The following SLC4A8 variants were observed in gnomAD, a reference collection of about 807,000 sequenced individuals.
SLC4A8 encodes solute carrier family 4 member 8, also known as electroneutral sodium bicarbonate exchanger 1.
Under a neutral mutation model 125.0 loss-of-function variants are expected in SLC4A8, and 40 were observed. That is an observed-to-expected ratio of 0.32 (90% CI 0.25 to 0.42). The LOEUF is 0.42. Among genes scored for constraint, SLC4A8 ranks in the 10% least tolerant of loss-of-function variants. The pLI is 1.00. For synonymous variants in SLC4A8, 456 were observed against 476.0 expected (o/e 0.96, Z 0.55); for missense variants, 863 against 1,355.1 (o/e 0.64, Z 5.70).
chr12:51,468,896 C>T (rs908665084), intron 11 of SLC4A8, among the ~76,000 whole-genome samples: 14 of 152,222 alleles, frequency 9.2e-5, no homozygotes, highest in African/African-American at 4.8e-5. Context: ...ATCCACCAAG[C>T]ACTCTCACCT....
intron 1 of SLC4A8, chr12:51,403,011 G>A (rs1260120762): frequency 2.9e-6 from 1 of 339,782 alleles, no homozygotes; most frequent in African/African-American, 2.2e-5. Context: ...AAGTCCCCCA[G>A]TTAGCTGGCA....
intron 1 of SLC4A8, chr12:51,392,108 C>T (rs1229011977): frequency 6.6e-6 from 1 of 152,530 alleles, no homozygotes; most frequent in Admixed American, 6.5e-5. Context: ...GTGCCATGAA[C>T]TGTGTCAAGG....
intron 22 of SLC4A8, chr12:51,502,161 C>T (rs1344047726): frequency 6.6e-6 from 1 of 152,134 alleles, no homozygotes; most frequent in African/African-American, 2.4e-5. Flanking sequence ...AGATGATTCT[C>T]TGAAAAAGAA....
At position 51,512,224 on chromosome 12, in the gene SLC4A8, TAAC is replaced by T. The variant is rs890244829; in HGVS notation, c.*4789_*4791del. On this transcript the variant is annotated 3_prime_UTR_variant, in exon 25 of 25. Transcript: ENST00000453097. ...GCCACACATTATCACTGTACAGCATTAACAAGGCTGGAATATGGCCCTCTGCTG... is the reference window on the plus strand; with the variant it reads ...GCCACACATTATCACTGTACAGCATTAAGGCTGGAATATGGCCCTCTGCTG... 9 of 152,202 alleles carry T rather than the reference TAAC, an allele frequency of 5.9e-5. No homozygotes were observed. Among genetic ancestry groups the T allele is most frequent in the African/African-American group, 2.2e-4 (9 of 41,436 alleles). The allele number at this position is 152,202 out of a possible 1,614,324, so 9.4% of individuals were successfully genotyped here.
intron 17 of SLC4A8, among the ~76,000 whole-genome samples, 172 bp downstream of exon 17, chr12:51,486,072 T>C (rs1951155158): frequency 1.3e-5 from 2 of 152,200 alleles, no homozygotes; most frequent in African/African-American, 4.8e-5. Flanking sequence ...CTTGGTTGAA[T>C]TCAAGACAGA....
At chr12:51,417,831 T>C (rs1287496901) in intron 1 of SLC4A8, among the ~76,000 whole-genome samples, 1 of 152,210 alleles carries the variant, frequency 6.6e-6, no homozygotes, top group East Asian at 1.9e-4. Flanking sequence ...TTTGTATTTT[T>C]AGTAGAGACA....
intron 6 of SLC4A8, 84 bp from the exon 7 acceptor site, chr12:51,458,475 G>A (rs945105067): frequency 4.3e-6 from 4 of 937,868 alleles, no homozygotes; most frequent in African/African-American, 3.2e-5. Flanking sequence ...GCAGGAGAAG[G>A]CAGAACCAAC....
In SLC4A8 at chr12:51,471,255, A is replaced by G. The variant is rs111732854; in HGVS notation, c.1659-32A>G. 3,583 of 1,597,928 alleles carry G rather than the reference A, an allele frequency of 2.2e-3. 60 individuals carry two copies. In the African/African-American group the frequency reaches 0.041, roughly 18 times the overall value. The stretch of plus-strand genomic sequence containing the variant: ...CCTTGTCTCTTAATGCCATCCATCC[A>G]TGCGTTCTGATGAACTTTGGTCTTG... On this transcript the variant is annotated intron_variant, in intron 13 of 24. Transcript: ENST00000453097.
At chr12:51,433,854 T>TTTC (rs1949286079) in intron 1 of SLC4A8, among the ~76,000 whole-genome samples, 1 of 56,502 alleles carries the variant, frequency 1.8e-5, no homozygotes, top group Non-Finnish European at 3.7e-5. Context: ...ACCATCTGTT[T>TTTC]TTTTTTTTTT....
chr12:51,410,170 T>G (rs1224903023), intron 1 of SLC4A8, among the ~76,000 whole-genome samples: 3 of 152,052 alleles, frequency 2.0e-5, no homozygotes, highest in Admixed American at 6.6e-5. Context: ...TGCATGGGAG[T>G]GCCTGGCGGG....
intron 1 of SLC4A8, among the ~76,000 whole-genome samples, chr12:51,437,382 T>C (rs1949453665): frequency 6.6e-6 from 1 of 152,068 alleles, no homozygotes; most frequent in African/African-American, 2.4e-5. Context: ...GGAGATGGGG[T>C]CTGGTGGGAG....
intron 1 of SLC4A8, among the ~76,000 whole-genome samples, chr12:51,437,829 C>T (rs977347606): frequency 2.0e-5 from 3 of 152,102 alleles, no homozygotes; most frequent in Non-Finnish European, 2.9e-5. Context: ...GGAATGTGCA[C>T]AGTGCTCTCG....
At chr12:51,474,710 A>T (rs1434541847) in intron 15 of SLC4A8, 3 of 581,426 alleles carry the variant, frequency 5.2e-6, no homozygotes, top group Non-Finnish European at 8.8e-6. Context: ...GAAACCATGC[A>T]GGACAGGGGG....
rs1240419491 is a variant in SLC4A8 at position 51,512,090 on chromosome 12, C to T, written c.*4652C>T. 6.6e-6 allele frequency: 1 copy of T among 152,198 alleles called. No homozygotes were observed. Among genetic ancestry groups the T allele is most frequent in the African/African-American group, 2.4e-5 (1 of 41,438 alleles). 9.4% of individuals were successfully genotyped at this position (152,198 alleles called of 1,614,324 possible). On this transcript the variant is annotated 3_prime_UTR_variant, in exon 25 of 25. Transcript: ENST00000453097. ...TGTTCCATATCCCGCTGGTAACCAGCTTACAGACCTTCTGTCAGGTTGGCT... is the reference window on the plus strand; with the variant it reads ...TGTTCCATATCCCGCTGGTAACCAGTTTACAGACCTTCTGTCAGGTTGGCT...
At chr12:51,485,995 G>A (rs1951153511) in intron 17 of SLC4A8, 95 bp downstream of exon 17, 7 of 705,634 alleles carry the variant, frequency 9.9e-6, no homozygotes, top group Non-Finnish European at 1.5e-5. Flanking sequence ...CTAATCCTGA[G>A]TTTTACAGTC....
chr12:51,409,031 A>T (rs547308746), intron 1 of SLC4A8, among the ~76,000 whole-genome samples: 1 of 101,500 alleles, frequency 9.9e-6, no homozygotes, highest in South Asian at 3.2e-4. Flanking sequence ...ATATATATAT[A>T]CTTTTTTTTT....
At chr12:51,490,275 G>C (rs1951273243) in intron 19 of SLC4A8, among the ~76,000 whole-genome samples, 1 of 151,870 alleles carries the variant, frequency 6.6e-6, no homozygotes, top group Non-Finnish European at 1.5e-5. Context: ...TGAGGTGGAG[G>C]CCAGGCGCGG....
At chr12:51,492,379 ACT>A (rs1462930112) in intron 19 of SLC4A8, among the ~76,000 whole-genome samples, 1 of 151,744 alleles carries the variant, frequency 6.6e-6, no homozygotes, top group African/African-American at 2.4e-5. Flanking sequence ...CTCACTTTCC[ACT>A]CAACCTTACC....
chr12:51,478,586 G>A (rs996880214), intron 16 of SLC4A8, among the ~76,000 whole-genome samples: 8 of 152,190 alleles, frequency 5.3e-5, no homozygotes, highest in African/African-American at 1.9e-4. Context: ...ATAACATTCT[G>A]TAATTTTCCT....
Sources: gnomAD v4.1 joint callset for allele counts (sites outside exome capture counted in the v4.1 genomes callset) on GRCh38, gnomAD v4.1.1 for gene constraint, MANE v1.5 for transcripts, NCBI Gene and HGNC (gene_info 2026-07-23, HGNC 2026-07-21) for gene names.